The following ZDHHC9 variants were observed in gnomAD, a reference collection of about 807,000 sequenced individuals.
ZDHHC9 encodes the protein zDHHC palmitoyltransferase 9.
Under a neutral mutation model 26.6 loss-of-function variants are expected in ZDHHC9, and 3 were observed. The observed-to-expected ratio is 0.11, with a 90% CI of 0.05 to 0.29. The LOEUF is 0.29. Ranked by LOEUF, ZDHHC9 falls within the 10% of genes least tolerant of loss-of-function variation. The probability of loss-of-function intolerance (pLI) is 1.00; values close to 1 mark genes in which losing one functional copy is unlikely to be tolerated. For synonymous variants in ZDHHC9, 111 were observed against 109.4 expected (o/e 1.01, Z -0.09); for missense variants, 146 against 296.4 (o/e 0.49, Z 3.73).
chrX:129,823,857 GT>G lies in ZDHHC9; in HGVS notation c.329-21del. 8.3e-7 allele frequency: 1 copy of G among 1,203,154 alleles called. No homozygotes were observed. Among genetic ancestry groups the G allele is most frequent in the Non-Finnish European group, 1.1e-6 (1 of 893,448 alleles). On this transcript the variant is annotated intron_variant, in intron 4 of 10. Coordinates refer to ENST00000357166, the MANE Select transcript of ZDHHC9 (RefSeq NM_016032.4). ...TAGCTTCTGTAAATCAATAAAGACA[GT>G]TAATATCACAGCTAGCCATCACTTG...
In ZDHHC9 at chrX:129,812,598, C is replaced by T. The variant is rs1009969651; in HGVS notation, c.777+120G>A. On this transcript the variant is annotated intron_variant, in intron 8 of 10. Transcript: ENST00000357166. ...CATCTGACTTAACAACCTCGCATAC[C>T]ACGTTTCTGCCTGCCTCAACCTCCC... The T allele has an allele frequency of 2.2e-5, 13 of 601,453 alleles. No homozygotes were observed. In the Admixed American group the frequency reaches 2.9e-4, roughly 13 times the overall value. 49.6% of individuals were successfully genotyped at this position (601,453 alleles called of 1,213,427 possible).
chrX:129,839,223 C>CTTT (rs767316222), intron 3 of ZDHHC9, among the ~76,000 whole-genome samples: 2 of 94,678 alleles, frequency 2.1e-5, no homozygotes, highest in Non-Finnish European at 4.3e-5. Flanking sequence ...TCACTAAGTT[C>CTTT]TTTTTTTTTT....
chrX:129,806,745 G>A (rs1169562434), intron 10 of ZDHHC9, among the ~76,000 whole-genome samples: 1 of 111,712 alleles, frequency 9.0e-6, no homozygotes, highest in Non-Finnish European at 1.9e-5. Flanking sequence ...CATAATAATA[G>A]GAATCACAAA....
At position 129,836,855 on chromosome X, in the gene ZDHHC9, C is replaced by T. The variant is rs190614939; in HGVS notation, c.167+4924G>A. 2.7e-5 allele frequency among the ~76,000 whole-genome samples: 3 copies of T among 112,313 alleles called. No individual in the cohort carries two copies. The Admixed American group carries it at 2.8e-4, about 11-fold the overall frequency. Reference sequence around the variant, plus strand: ...TTGGGAGACCCAAAGAGCCTAGATGCCACTGGGTAACACACACACTAGCTC... The same window carrying T: ...TTGGGAGACCCAAAGAGCCTAGATGTCACTGGGTAACACACACACTAGCTC... On this transcript the variant is annotated intron_variant, in intron 3 of 10. Transcript: ENST00000357166.
chrX:129,809,098 C>T (rs1005299164), intron 10 of ZDHHC9, among the ~76,000 whole-genome samples: 5 of 112,081 alleles, frequency 4.5e-5, no homozygotes, highest in Admixed American at 1.9e-4. Context: ...AAACTGGAAC[C>T]CTCAGGCACT....
chrX:129,815,738 AAAG>A (rs1032949595), intron 5 of ZDHHC9, among the ~76,000 whole-genome samples: 3 of 112,002 alleles, frequency 2.7e-5, no homozygotes, highest in African/African-American at 9.7e-5. Flanking sequence ...AAATTACCAT[AAAG>A]AAGACTAAAG....
At chrX:129,839,392 A>G (rs1440187178) in intron 3 of ZDHHC9, among the ~76,000 whole-genome samples, 3 of 110,235 alleles carry the variant, frequency 2.7e-5, no homozygotes, top group African/African-American at 9.9e-5. Flanking sequence ...TTGTATTTTT[A>G]GTAGAGACGG....
chrX:129,813,865 G>A, intron 6 of ZDHHC9, 140 bp from the exon 7 acceptor site: 2 of 550,575 alleles, frequency 3.6e-6, no homozygotes, highest in Non-Finnish European at 6.1e-6. Flanking sequence ...CTCGGGCAAG[G>A]GTGAAGAGCC....
chrX:129,815,695 A>C (rs1927741829), intron 5 of ZDHHC9, among the ~76,000 whole-genome samples: 2 of 111,907 alleles, frequency 1.8e-5, no homozygotes, highest in African/African-American at 6.5e-5. Flanking sequence ...CCAACAAAAA[A>C]TTAAAAATTT....
chrX:129,843,131 G>C (rs1737874), intron 2 of ZDHHC9, 128 bp downstream of exon 2: 13,424 of 112,129 alleles, frequency 0.12, 1,438 homozygotes, highest in East Asian at 0.38. Flanking sequence ...CAGCCAACTC[G>C]CGGGCTGGAG....
At chrX:129,808,122 T>C (rs1927561956) in intron 10 of ZDHHC9, among the ~76,000 whole-genome samples, 1 of 112,222 alleles carries the variant, frequency 8.9e-6, no homozygotes, top group African/African-American at 3.2e-5. Flanking sequence ...ATATTTAATC[T>C]TGTTAGGATG....
intron 3 of ZDHHC9, among the ~76,000 whole-genome samples, chrX:129,834,048 C>T (rs1928204574): frequency 9.0e-6 from 1 of 111,344 alleles, no homozygotes; most frequent in Admixed American, 9.5e-5. Flanking sequence ...GGAGGTGGGG[C>T]CTTTGGGGGG....
At chrX:129,826,491 G>GC (rs1206801691) in intron 4 of ZDHHC9, among the ~76,000 whole-genome samples, 10 of 111,744 alleles carry the variant, frequency 8.9e-5, no homozygotes, top group African/African-American at 3.3e-4. Flanking sequence ...TTGAGTCTGA[G>GC]CCCCAGGCCC....
At chrX:129,838,188 A>G (rs1236759028) in intron 3 of ZDHHC9, among the ~76,000 whole-genome samples, 1 of 112,601 alleles carries the variant, frequency 8.9e-6, no homozygotes, top group Non-Finnish European at 1.9e-5. Context: ...TACCATGAAT[A>G]CAATTATATT....
chrX:129,816,290 G>A (rs1251134218), intron 5 of ZDHHC9, among the ~76,000 whole-genome samples: 1 of 111,525 alleles, frequency 9.0e-6, no homozygotes, highest in Admixed American at 9.5e-5. Context: ...GTTCCACAGG[G>A]CCACTGCAGG....
Position 129,805,328 on chromosome X carries a change from AT to A in ZDHHC9, c.*1041del, listed in dbSNP as rs372273152. ...AGGCTTAATGGAAGAACTGGTTAGC[AT>A]TTTTTTTTTTTTGAGGGTACATCGG... On this transcript the variant is annotated 3_prime_UTR_variant, in exon 11 of 11. Coordinates refer to ENST00000357166, the MANE Select transcript of ZDHHC9 (RefSeq NM_016032.4). 0.02 allele frequency: 2,080 copies of A among 103,026 alleles called. 57 individuals are homozygous for A. Among genetic ancestry groups the A allele is most frequent in the African/African-American group, 0.062 (1,774 of 28,484 alleles). The allele number at this position is 103,026 out of a possible 1,213,427, so 8.5% of individuals were successfully genotyped here.
intron 5 of ZDHHC9, among the ~76,000 whole-genome samples, chrX:129,819,693 T>C (rs894012281): frequency 9.9e-6 from 1 of 100,836 alleles, no homozygotes; most frequent in African/African-American, 4.2e-5. Context: ...GAATGTCCTA[T>C]TATTTATTTA....
rs1927489114 is a variant in ZDHHC9, at chrX:129,805,321, G to T, written c.*1049C>A. ...TCAGCCGAGGCTTAATGGAAGAACT[G>T]GTTAGCATTTTTTTTTTTTTGAGGG... On this transcript the variant is annotated 3_prime_UTR_variant, in exon 11 of 11. Coordinates refer to ENST00000357166, the MANE Select transcript of ZDHHC9 (RefSeq NM_016032.4). 1 of 110,508 alleles carries T rather than the reference G, an allele frequency of 9.0e-6. No individual in the cohort carries two copies. The allele number at this position is 110,508 out of a possible 1,213,427, so 9.1% of individuals were successfully genotyped here. A position where few individuals can be genotyped will look rare whatever the true frequency, so the allele number is the denominator to read the frequency against.
At chrX:129,823,264 C>A (rs769112040) in intron 5 of ZDHHC9, 87 of 161,068 alleles carry the variant, frequency 5.4e-4, no homozygotes, top group Non-Finnish European at 9.4e-4. Flanking sequence ...AGTAGAAACT[C>A]AATAAATGCT....
Sources: gnomAD v4.1 joint callset for allele counts (sites outside exome capture counted in the v4.1 genomes callset) on GRCh38, gnomAD v4.1.1 for gene constraint, MANE v1.5 for transcripts, NCBI Gene and HGNC (gene_info 2026-07-23, HGNC 2026-07-21) for gene names.